MPP7: variants seen among roughly 807,000 people sequenced by gnomAD.
MPP7 encodes the protein MAGUK p55 scaffold protein 7.
In MPP7, 60 loss-of-function variants were observed where a neutral mutation model predicts 76.5. The observed-to-expected ratio is 0.78, with a 90% CI of 0.64 to 0.97. MPP7 has a LOEUF of 0.97. Ranked by LOEUF, MPP7 falls within the 50% of genes least tolerant of loss-of-function variation. The probability of loss-of-function intolerance (pLI) is 0.00; values close to 1 mark genes in which losing one functional copy is unlikely to be tolerated. For synonymous variants in MPP7, 237 were observed against 244.5 expected, an observed-to-expected ratio of 0.97 and a Z score of 0.29; for missense variants, 641 against 694.0, an observed-to-expected ratio of 0.92 and a Z score of 0.86.
At chr10:28,099,944 A>G (rs973472478) in intron 11 of MPP7, among the ~76,000 whole-genome samples, 11 of 152,092 alleles carry the variant, frequency 7.2e-5, no homozygotes, top group African/African-American at 2.2e-4. Context: ...TTCTCACCTT[A>G]AAATTACTAA....
At chr10:28,109,634 T>G (rs578243994) in intron 11 of MPP7, among the ~76,000 whole-genome samples, 1 of 151,850 alleles carries the variant, frequency 6.6e-6, no homozygotes. Context: ...TCTCAGAGCA[T>G]GCGAGTGCAA....
intron 3 of MPP7, among the ~76,000 whole-genome samples, chr10:28,165,610 AG>A (rs1836424852): frequency 6.6e-6 from 1 of 152,110 alleles, no homozygotes; most frequent in Non-Finnish European, 1.5e-5. Context: ...AATATTTTAA[AG>A]GCAGCCATGA....
At chr10:28,059,843 G>T in intron 13 of MPP7, 100 bp from the exon 14 acceptor site, 1 of 782,976 alleles carries the variant, frequency 1.3e-6, no homozygotes, top group Non-Finnish European at 2.1e-6. Flanking sequence ...TTTTTCAACA[G>T]GATTTAAAAA....
At chr10:28,109,839 C>T (rs1442453208) in intron 11 of MPP7, among the ~76,000 whole-genome samples, 1 of 74,468 alleles carries the variant, frequency 1.3e-5, no homozygotes, top group Non-Finnish European at 2.3e-5. Context: ...AGAAGGCCAG[C>T]CGCAGACGCA....
intron 3 of MPP7, among the ~76,000 whole-genome samples, chr10:28,173,486 G>A (rs185392595): frequency 2.7e-4 from 41 of 152,306 alleles, no homozygotes; most frequent in Admixed American, 1.6e-3. Context: ...CAATACTGCA[G>A]TAACATGAGG....
At chr10:28,217,672 T>C (rs766074940) in intron 2 of MPP7, among the ~76,000 whole-genome samples, 3 of 152,038 alleles carry the variant, frequency 2.0e-5, no homozygotes, top group Non-Finnish European at 4.4e-5. Flanking sequence ...AATTATCTTC[T>C]GAATTACTAA....
chr10:28,149,344 C>G (rs778785786), intron 4 of MPP7, among the ~76,000 whole-genome samples: 7 of 152,152 alleles, frequency 4.6e-5, no homozygotes, highest in Non-Finnish European at 1.0e-4. Flanking sequence ...TCAATTCATC[C>G]GAGTCCGAAA....
At chr10:28,244,169 T>A (rs1839359261) in intron 1 of MPP7, among the ~76,000 whole-genome samples, 1 of 152,224 alleles carries the variant, frequency 6.6e-6, no homozygotes, top group African/African-American at 2.4e-5. Flanking sequence ...CCAAGTTTGC[T>A]GACCACTATT....
At chr10:28,105,777 G>A (rs1189653937) in intron 11 of MPP7, among the ~76,000 whole-genome samples, 1 of 152,174 alleles carries the variant, frequency 6.6e-6, no homozygotes, top group African/African-American at 2.4e-5. Context: ...CAAAGTGCAA[G>A]TGCTGGGATT....
At chr10:28,311,435 A>G (rs950936559) in intron 2 of MPP7, among the ~76,000 whole-genome samples, 15 of 152,220 alleles carry the variant, frequency 9.9e-5, no homozygotes, top group African/African-American at 3.4e-4. Flanking sequence ...TGTTACAGTA[A>G]CATAGTCAAG....
chr10:28,325,567 C>T (rs1471556736), intron 2 of MPP7, among the ~76,000 whole-genome samples: 3 of 152,116 alleles, frequency 2.0e-5, no homozygotes, highest in East Asian at 1.9e-4. Flanking sequence ...GATCTCAGCT[C>T]GCTGCAACCT....
intron 1 of MPP7, among the ~76,000 whole-genome samples, 185 bp from the exon 2 acceptor site, chr10:28,238,920 A>G (rs1462171734): frequency 2.0e-5 from 3 of 152,152 alleles, no homozygotes; most frequent in Non-Finnish European, 4.4e-5. Context: ...AGCAACTTCG[A>G]ATTGAAAACA....
chr10:28,206,972 T>C (rs1457013346), intron 2 of MPP7, among the ~76,000 whole-genome samples: 1 of 152,150 alleles, frequency 6.6e-6, no homozygotes, highest in East Asian at 1.9e-4. Context: ...AACAATTCTG[T>C]CAGGTGGCCT....
At chr10:28,063,314 T>G (rs11006820) in intron 13 of MPP7, among the ~76,000 whole-genome samples, 25,792 of 151,680 alleles carry the variant, frequency 0.17, 3,224 homozygotes, top group East Asian at 0.62. Context: ...ATAAAAATTA[T>G]CCAGGCATGG....
At chr10:28,234,324 T>C (rs1838995328) in intron 2 of MPP7, among the ~76,000 whole-genome samples, 1 of 152,034 alleles carries the variant, frequency 6.6e-6, no homozygotes, top group African/African-American at 2.4e-5. Context: ...AAAATAAGTA[T>C]CCATGACTCC....
At chr10:28,060,333 A>G (rs1851729079) in intron 13 of MPP7, among the ~76,000 whole-genome samples, 1 of 152,192 alleles carries the variant, frequency 6.6e-6, no homozygotes, top group Non-Finnish European at 1.5e-5. Flanking sequence ...ATTATTTATT[A>G]ACGAACTAAA....
intron 11 of MPP7, among the ~76,000 whole-genome samples, chr10:28,092,882 C>T (rs575338358): frequency 1.5e-4 from 23 of 151,708 alleles, no homozygotes; most frequent in Non-Finnish European, 2.2e-4. Flanking sequence ...ACCCAGCCAC[C>T]TTCCTATCAC....
intron 2 of MPP7, among the ~76,000 whole-genome samples, chr10:28,324,850 T>G (rs12098807): frequency 0.13 from 19,259 of 152,192 alleles, 1,593 homozygotes; most frequent in African/African-American, 0.22. Context: ...TATTAGCCCC[T>G]TTTTAACAGT....
chr10:28,116,931 A>G lies in MPP7; in HGVS notation c.952+2720T>C, dbSNP rs1264053126. 2.6e-5 allele frequency among the ~76,000 whole-genome samples: 4 copies of G among 152,244 alleles called. No homozygotes were observed. The East Asian group carries it at 7.7e-4, about 29-fold the overall frequency. The stretch of plus-strand genomic sequence containing the variant: ...AAAGCCTAAAGAGGTTGTTATTATC[A>G]TGGCTCCTGATTTTACTTACCTTGG... On this transcript the variant is annotated intron_variant, in intron 11 of 16. Transcript: ENST00000683449.
Sources: gnomAD v4.1 joint callset for allele counts (sites outside exome capture counted in the v4.1 genomes callset) on GRCh38, gnomAD v4.1.1 for gene constraint, MANE v1.5 for transcripts, NCBI Gene and HGNC (gene_info 2026-07-23, HGNC 2026-07-21) for gene names.